PPARG: variants seen among roughly 807,000 people sequenced by gnomAD.
The protein encoded by PPARG is peroxisome proliferator activated receptor gamma, also known as peroxisome proliferator-activated receptor gamma.
PPARG carries 17 observed loss-of-function variants against 39.2 expected under a neutral mutation model. The observed-to-expected ratio is 0.43, with a 90% CI of 0.30 to 0.65. The LOEUF is 0.65. Among genes scored for constraint, PPARG ranks in the 30% least tolerant of loss-of-function variants. PPARG has a pLI of 0.13. For synonymous variants in PPARG, 223 were observed against 215.7 expected, an observed-to-expected ratio of 1.03 and a Z score of -0.30; for missense variants, 406 against 585.9, an observed-to-expected ratio of 0.69 and a Z score of 3.17.
intron 6 of PPARG, among the ~76,000 whole-genome samples, chr3:12,412,663 C>T (rs1051178228): frequency 3.3e-5 from 5 of 152,138 alleles, no homozygotes; most frequent in African/African-American, 1.2e-4. Flanking sequence ...GTGACAGATT[C>T]ACCATGAAGC....
At chr3:12,397,678 G>A (rs780520949) in intron 5 of PPARG, among the ~76,000 whole-genome samples, 26 of 151,958 alleles carry the variant, frequency 1.7e-4, no homozygotes, top group Non-Finnish European at 3.4e-4. Flanking sequence ...TCAAAGTGCT[G>A]GGATTACAGG....
At chr3:12,317,666 TA>T (rs1171595664) in intron 2 of PPARG, among the ~76,000 whole-genome samples, 2 of 152,158 alleles carry the variant, frequency 1.3e-5, no homozygotes, top group African/African-American at 4.8e-5. Flanking sequence ...TTCACTCAAT[TA>T]AAAAAATATT....
chr3:12,363,864 G>A (rs780931372), intron 2 of PPARG, among the ~76,000 whole-genome samples: 19 of 151,986 alleles, frequency 1.3e-4, no homozygotes, highest in African/African-American at 2.4e-4. Flanking sequence ...TCTAAACACC[G>A]TTCTTCTTCT....
intron 2 of PPARG, among the ~76,000 whole-genome samples, chr3:12,356,613 C>A (rs940701909): frequency 6.6e-6 from 1 of 152,166 alleles, no homozygotes; most frequent in African/African-American, 2.4e-5. Context: ...TGCCAATAGT[C>A]CTAAAATGCC....
intron 2 of PPARG, among the ~76,000 whole-genome samples, chr3:12,375,245 G>GA (rs2049365646): frequency 2.7e-5 from 4 of 147,994 alleles, no homozygotes; most frequent in African/African-American, 9.9e-5. Context: ...TGGGGAGGTG[G>GA]GAGAGAGAGA....
chr3:12,373,536 G>A (rs1419005416), intron 2 of PPARG, among the ~76,000 whole-genome samples: 1 of 151,998 alleles, frequency 6.6e-6, no homozygotes, highest in Non-Finnish European at 1.5e-5. Flanking sequence ...TTTTTGGAGA[G>A]AACTTAAGTC....
intron 6 of PPARG, among the ~76,000 whole-genome samples, chr3:12,415,169 T>C (rs1179223897): frequency 6.6e-6 from 1 of 152,180 alleles, no homozygotes; most frequent in East Asian, 1.9e-4. Context: ...CATCAGAGAC[T>C]TCATGTTTGT....
chr3:12,313,208 A>G (rs1489570732), intron 2 of PPARG, among the ~76,000 whole-genome samples: 1 of 152,196 alleles, frequency 6.6e-6, no homozygotes, highest in African/African-American at 2.4e-5. Flanking sequence ...AATGAAATCC[A>G]CAACATTGAA....
rs767945316 is a variant in PPARG at position 12,406,075 on chromosome 3, C to A, written c.723C>A (p.Asp241Glu). ...ARAILTGKTTDKSPFVIYDMN... is the reference protein window; with the variant it reads ...ARAILTGKTTEKSPFVIYDMN... ...CGATCTTGACAGGAAAGACAACAGA[C>A]AAATCAGTTAGTTCTCTTCTGCTGT... is the stretch of plus-strand genomic sequence containing the variant. Residue 241 changes from aspartate (D) to glutamate (E), a missense_variant, in exon 6 of 8, where the codon GAC (aspartate) becomes GAA (glutamate). Around this residue, in one of 2 missense-constraint regions of PPARG, gnomAD observed 275 missense variants for 458.0 expected, o/e 0.60. Coordinates refer to ENST00000651735, the MANE Select transcript of PPARG (RefSeq NM_138711.6). 6 of 1,614,008 alleles carry A rather than the reference C, an allele frequency of 3.7e-6. No individual in the cohort carries two copies. Among genetic ancestry groups the A allele is most frequent in the East Asian group, 2.2e-5 (1 of 44,848 alleles).
chr3:12,295,551 T>G (rs1157672351), intron 1 of PPARG, among the ~76,000 whole-genome samples: 1 of 151,866 alleles, frequency 6.6e-6, no homozygotes, highest in Non-Finnish European at 1.5e-5. Flanking sequence ...TTCGCTCTTG[T>G]TGCCCAGGTT....
intron 2 of PPARG, among the ~76,000 whole-genome samples, chr3:12,329,703 C>T (rs371432923): frequency 3.4e-4 from 51 of 152,074 alleles, no homozygotes; most frequent in East Asian, 1.9e-4. Flanking sequence ...GCATTGGTTA[C>T]GTTCACAATG....
chr3:12,400,085 T>C (rs772397533), intron 5 of PPARG, among the ~76,000 whole-genome samples: 20 of 152,048 alleles, frequency 1.3e-4, no homozygotes, highest in Non-Finnish European at 2.8e-4. Context: ...AGTAGAAAAA[T>C]TGACCATAAG....
chr3:12,312,027 T>C (rs999834383), intron 1 of PPARG, among the ~76,000 whole-genome samples: 9 of 152,354 alleles, frequency 5.9e-5, no homozygotes, highest in Admixed American at 3.9e-4. Context: ...TGTGCAGTAA[T>C]AGAGGTATCG....
chr3:12,374,582 G>C (rs957986598), intron 2 of PPARG, among the ~76,000 whole-genome samples: 1 of 152,090 alleles, frequency 6.6e-6, no homozygotes, highest in African/African-American at 2.4e-5. Flanking sequence ...CTGGGTGACA[G>C]AGCGAGACTC....
At chr3:12,317,158 A>G (rs2047413205) in intron 2 of PPARG, among the ~76,000 whole-genome samples, 1 of 152,204 alleles carries the variant, frequency 6.6e-6, no homozygotes, top group Non-Finnish European at 1.5e-5. Context: ...AGCTATACCC[A>G]TGCTATGAAT....
intron 2 of PPARG, among the ~76,000 whole-genome samples, chr3:12,370,871 AAGCATTG>A (rs1247613699): frequency 3.3e-5 from 5 of 152,202 alleles, no homozygotes; most frequent in Non-Finnish European, 4.4e-5. Context: ...AAGAGCAATT[AAGCATTG>A]GAATGAGTAA....
intron 2 of PPARG, among the ~76,000 whole-genome samples, chr3:12,319,081 A>G (rs1384587854): frequency 6.6e-6 from 1 of 152,240 alleles, no homozygotes; most frequent in African/African-American, 2.4e-5. Flanking sequence ...GGGAAATACC[A>G]TAATGGCATG....
intron 5 of PPARG, among the ~76,000 whole-genome samples, chr3:12,397,893 C>T (rs1013420805): frequency 2.6e-5 from 4 of 152,070 alleles, no homozygotes; most frequent in Non-Finnish European, 5.9e-5. Flanking sequence ...CTCCTCTCCC[C>T]ACCCCTGCCC....
intron 2 of PPARG, among the ~76,000 whole-genome samples, chr3:12,367,438 T>C (rs1198184973): frequency 6.6e-6 from 1 of 152,104 alleles, no homozygotes; most frequent in East Asian, 1.9e-4. Flanking sequence ...GCAGAAGAAA[T>C]GTTTATATTG....
Sources: allele counts gnomAD v4.1 joint callset (sites outside exome capture counted in the v4.1 genomes callset), GRCh38; gene constraint gnomAD v4.1.1; regional missense constraint gnomAD v4.1.1; transcripts MANE v1.5; gene names NCBI Gene and HGNC (gene_info 2026-07-23, HGNC 2026-07-21).